Variants in CTNND2 observed in about 807,000 individuals in gnomAD.
CTNND2 encodes catenin delta 2.
A neutral mutation model predicts 144.4 loss-of-function variants in CTNND2; 22 were observed. The observed-to-expected ratio is 0.15, with a 90% confidence interval of 0.11 to 0.22. CTNND2 has a LOEUF of 0.22. CTNND2 is among the 10% of genes least tolerant of loss of function. The pLI is 1.00. For missense variants in CTNND2, 1,353 were observed against 1,618.8 expected, an observed-to-expected ratio of 0.84 and a Z score of 2.82; for synonymous variants, 751 against 695.6, an observed-to-expected ratio of 1.08 and a Z score of -1.25.
At chr5:11,124,511 A>G (rs1225440921) in intron 12 of CTNND2, among the ~76,000 whole-genome samples, 1 of 152,220 alleles carries the variant, frequency 6.6e-6, no homozygotes, top group Non-Finnish European at 1.5e-5. Flanking sequence ...CTATCCGTGA[A>G]CACCTAGATC....
At chr5:11,237,108 C>T (rs1486187925) in intron 9 of CTNND2, among the ~76,000 whole-genome samples, 2 of 151,788 alleles carry the variant, frequency 1.3e-5, no homozygotes, top group African/African-American at 4.8e-5. Context: ...CAAGCTCCGC[C>T]TCCCGGGTTC....
intron 11 of CTNND2, among the ~76,000 whole-genome samples, chr5:11,162,884 T>TACACACACACAC (rs34257746): frequency 2.7e-5 from 4 of 147,786 alleles, no homozygotes; most frequent in African/African-American, 1.0e-4. Context: ...TCTTTCCTGC[T>TACACACACACAC]ACACACACAC....
At chr5:11,383,905 G>A (rs1007167850) in intron 7 of CTNND2, among the ~76,000 whole-genome samples, 2 of 152,194 alleles carry the variant, frequency 1.3e-5, no homozygotes, top group African/African-American at 2.4e-5. Context: ...CAGCCTGGTC[G>A]CTGACGGGCA....
chr5:11,124,886 G>C (rs989768389), intron 12 of CTNND2, among the ~76,000 whole-genome samples: 5 of 152,196 alleles, frequency 3.3e-5, no homozygotes, highest in Admixed American at 6.5e-5. Flanking sequence ...ATCCTAAACT[G>C]TCTAAAAACA....
At position 11,251,092 on chromosome 5, in the gene CTNND2, A is replaced by T. The variant is rs537353339; in HGVS notation, c.1629-14269T>A. Among the ~76,000 whole-genome samples, 9 of 152,298 alleles carry T rather than the reference A, an allele frequency of 5.9e-5. No individual in the cohort carries two copies. The East Asian group carries it at 1.7e-3, about 29-fold the overall frequency. On this transcript the variant is annotated intron_variant, in intron 9 of 21. Coordinates refer to ENST00000304623, the MANE Select transcript of CTNND2 (RefSeq NM_001332.4). ...TATTATTTAAGTGTTGTACAGATTT[A>T]TTTTTTATAAATCAAATATTTTTTA...
At chr5:11,774,768 G>T (rs1039085230) in intron 1 of CTNND2, among the ~76,000 whole-genome samples, 2 of 151,850 alleles carry the variant, frequency 1.3e-5, no homozygotes, top group Non-Finnish European at 2.9e-5. Context: ...TTTTCTTCAA[G>T]GACTCAAAAA....
At chr5:11,587,589 C>G (rs1201666956) in intron 2 of CTNND2, among the ~76,000 whole-genome samples, 1 of 152,024 alleles carries the variant, frequency 6.6e-6, no homozygotes. Flanking sequence ...TTATAACTTA[C>G]AAAGTCATTC....
chr5:11,794,267 C>T (rs991004213), intron 1 of CTNND2, among the ~76,000 whole-genome samples: 35 of 152,316 alleles, frequency 2.3e-4, no homozygotes, highest in Non-Finnish European at 7.3e-5. Context: ...CTACTGTCCC[C>T]GTATTTTAAT....
chr5:11,134,452 T>C (rs1448255639), intron 12 of CTNND2, among the ~76,000 whole-genome samples: 1 of 152,206 alleles, frequency 6.6e-6, no homozygotes, highest in Non-Finnish European at 1.5e-5. Context: ...TCTGCAGTAA[T>C]CAATTAGTAA....
intron 3 of CTNND2, among the ~76,000 whole-genome samples, chr5:11,511,358 G>T (rs888930028): frequency 7.9e-5 from 12 of 152,144 alleles, no homozygotes; most frequent in African/African-American, 2.9e-4. Flanking sequence ...CCAGAGTCCT[G>T]GCTCTGGGGA....
At chr5:11,822,957 C>T (rs1793395516) in intron 1 of CTNND2, among the ~76,000 whole-genome samples, 1 of 152,148 alleles carries the variant, frequency 6.6e-6, no homozygotes, top group Non-Finnish European at 1.5e-5. Context: ...ATGTATGTCA[C>T]TACAGACCAC....
intron 3 of CTNND2, among the ~76,000 whole-genome samples, chr5:11,497,296 T>C (rs1225789404): frequency 1.3e-5 from 2 of 151,938 alleles, no homozygotes; most frequent in South Asian, 2.1e-4. Context: ...TCTGAGTCAA[T>C]AATATTTGAG....
At chr5:11,350,688 T>C (rs970194900) in intron 8 of CTNND2, among the ~76,000 whole-genome samples, 1 of 152,034 alleles carries the variant, frequency 6.6e-6, no homozygotes, top group Non-Finnish European at 1.5e-5. Flanking sequence ...ATCAATGCAA[T>C]GAAAATAATG....
At chr5:11,675,513 C>T (rs576517570) in intron 2 of CTNND2, among the ~76,000 whole-genome samples, 5 of 152,172 alleles carry the variant, frequency 3.3e-5, no homozygotes, top group South Asian at 2.1e-4. Flanking sequence ...CTTCTCTCAC[C>T]ACCTCTGTGT....
intron 12 of CTNND2, among the ~76,000 whole-genome samples, chr5:11,126,222 A>ACCCGG (rs1321073394): frequency 1.3e-5 from 2 of 151,958 alleles, no homozygotes; most frequent in African/African-American, 4.8e-5. Context: ...AATTGCTTGA[A>ACCCGG]CCCGGGATGC....
intron 1 of CTNND2, among the ~76,000 whole-genome samples, chr5:11,800,889 C>T (rs1405704893): frequency 6.6e-6 from 1 of 152,092 alleles, no homozygotes; most frequent in Non-Finnish European, 1.5e-5. Flanking sequence ...CCTTCTCTTG[C>T]TTTCATTACT....
chr5:11,808,319 A>G (rs1040847904), intron 1 of CTNND2, among the ~76,000 whole-genome samples: 1 of 152,178 alleles, frequency 6.6e-6, no homozygotes, highest in Non-Finnish European at 1.5e-5. Context: ...CTCCCTCAAG[A>G]GCACAGACAG....
intron 2 of CTNND2, among the ~76,000 whole-genome samples, chr5:11,619,037 T>C (rs1295864806): frequency 6.6e-6 from 1 of 152,228 alleles, no homozygotes; most frequent in Non-Finnish European, 1.5e-5. Context: ...TATTATGTTA[T>C]TTCTGAAGTT....
At chr5:11,820,593 T>C (rs906156700) in intron 1 of CTNND2, among the ~76,000 whole-genome samples, 3 of 152,214 alleles carry the variant, frequency 2.0e-5, no homozygotes, top group African/African-American at 7.2e-5. Context: ...AATGAAATTC[T>C]CTTGACTGCT....
Sources: gnomAD v4.1 joint callset for allele counts (sites outside exome capture counted in the v4.1 genomes callset) on GRCh38, gnomAD v4.1.1 for gene constraint, MANE v1.5 for transcripts, NCBI Gene and HGNC (gene_info 2026-07-23, HGNC 2026-07-21) for gene names.